CPNE3: variants seen among roughly 807,000 people sequenced by gnomAD.
The protein encoded by CPNE3 is copine 3.
CPNE3 carries 68 observed loss-of-function variants against 63.9 expected under a neutral mutation model. That is an observed-to-expected ratio of 1.06 (90% CI 0.87 to 1.30). The LOEUF is 1.30. CPNE3 is among the 50% of genes most tolerant of loss of function. The pLI, the probability that CPNE3 is intolerant of heterozygous loss-of-function variation, is 0.00. For synonymous variants in CPNE3, 219 were observed against 197.5 expected (o/e 1.11, Z -0.91); for missense variants, 665 against 578.1 (o/e 1.15, Z -1.54).
At chr8:86,529,314 A>G (rs959066761) in intron 4 of CPNE3, among the ~76,000 whole-genome samples, 190 bp downstream of exon 4, 10 of 152,196 alleles carry the variant, frequency 6.6e-5, no homozygotes, top group Non-Finnish European at 1.2e-4. Flanking sequence ...GGCAGGAACT[A>G]TGTATTTATG....
rs1222410847 is a variant in CPNE3 at position 86,558,399 on chromosome 8, C to A, written c.1603C>A (p.Gln535Lys). 2.3e-6 allele frequency: 2 copies of A among 872,942 alleles called. No homozygotes were observed. Among genetic ancestry groups the A allele is most frequent in the Admixed American group, 3.4e-5 (2 of 59,192 alleles). 54.1% of individuals were successfully genotyped at this position (872,942 alleles called of 1,614,324 possible). The change falls in exon 17 of 17, where the codon CAG (glutamine) becomes AAG (lysine). Residue 535 changes from glutamine (Q) to lysine (K), a missense_variant. Gln to Lys is a moderately conservative substitution (Grantham distance 53). Transcript: ENST00000517490. ...TCCCAAGAACCCAGCCACGAAACAA[C>A]AGAAGCAGTGACCACTTCAACAGAA... ...LPPKNPATKQ[Q>K]KQ
intron 4 of CPNE3, among the ~76,000 whole-genome samples, 187 bp downstream of exon 4, chr8:86,529,311 A>G (rs1820617252): frequency 6.6e-6 from 1 of 152,192 alleles, no homozygotes; most frequent in Admixed American, 6.5e-5. Flanking sequence ...ATGGGCAGGA[A>G]CTATGTATTT....
chr8:86,538,623 C>G lies in CPNE3; in HGVS notation c.543+977C>G, dbSNP rs531192999. ...TATATTCCCAATAGAGGACTCTTCT[C>G]CCTACCTTCCTTATACCTTGATGCC... On this transcript the variant is annotated intron_variant, in intron 7 of 16. Coordinates refer to ENST00000517490, the MANE Select transcript of CPNE3 (RefSeq NM_003909.5). 3.9e-5 allele frequency among the ~76,000 whole-genome samples: 6 copies of G among 152,258 alleles called. No individual in the cohort carries two copies. In the South Asian group the frequency reaches 1.0e-3, roughly 26 times the overall value.
chr8:86,529,258 A>T, intron 4 of CPNE3, 134 bp downstream of exon 4: 2 of 673,988 alleles, frequency 3.0e-6, no homozygotes, highest in East Asian at 5.3e-5. Flanking sequence ...TTATATATTA[A>T]TATGATTGGC....
chr8:86,526,150 C>G (rs1359533940), intron 2 of CPNE3, among the ~76,000 whole-genome samples: 1 of 151,954 alleles, frequency 6.6e-6, no homozygotes, highest in Non-Finnish European at 1.5e-5. Flanking sequence ...ATTGCTTGAA[C>G]CTGGGAGGCG....
chr8:86,532,496 G>T lies in CPNE3; in HGVS notation c.388-13G>T, dbSNP rs1354285352. 1 of 1,602,712 alleles carries T rather than the reference G, an allele frequency of 6.2e-7. No individual in the cohort carries two copies. Among genetic ancestry groups the T allele is most frequent in the Non-Finnish European group, 8.5e-7 (1 of 1,174,426 alleles). ...AAAACATATTTTCTTTCACTTACCT[G>T]ATCTACTCATAGATTTCAGCTGAAG... On this transcript the variant is annotated splice_polypyrimidine_tract_variant and intron_variant, in intron 5 of 16. Transcript: ENST00000517490.
At chr8:86,524,282 TG>T (rs893747343) in intron 2 of CPNE3, among the ~76,000 whole-genome samples, 2 of 152,182 alleles carry the variant, frequency 1.3e-5, no homozygotes, top group African/African-American at 2.4e-5. Context: ...AGCCAGGGCA[TG>T]GGAATGACCA....
intron 2 of CPNE3, among the ~76,000 whole-genome samples, chr8:86,518,826 G>A (rs1820370365): frequency 6.6e-6 from 1 of 152,110 alleles, no homozygotes. Flanking sequence ...AGGTTGGAGT[G>A]CAGTGGCATG....
chr8:86,558,585 A>G lies in CPNE3; in HGVS notation c.*175A>G. ...TAGGTTATTTTGGGGGGACAGTGCC[A>G]AGTCCATCTTTGCCCAGTCAATTCA... On this transcript the variant is annotated 3_prime_UTR_variant, in exon 17 of 17. Coordinates refer to ENST00000517490, the MANE Select transcript of CPNE3 (RefSeq NM_003909.5). The G allele has an allele frequency of 1.8e-6, 1 of 567,986 alleles. No homozygotes were observed. Among genetic ancestry groups the G allele is most frequent in the Non-Finnish European group, 3.1e-6 (1 of 318,274 alleles). 35.2% of individuals were successfully genotyped at this position (567,986 alleles called of 1,614,324 possible).
intron 8 of CPNE3, 39 bp from the exon 9 acceptor site, chr8:86,544,701 A>G (rs994652455): frequency 4.8e-6 from 5 of 1,031,150 alleles, no homozygotes; most frequent in Middle Eastern, 3.1e-4. Flanking sequence ...TAATAAAACT[A>G]TATTGATTTT....
At chr8:86,549,350 G>A (rs1821122640) in intron 12 of CPNE3, among the ~76,000 whole-genome samples, 2 of 152,082 alleles carry the variant, frequency 1.3e-5, no homozygotes, top group Non-Finnish European at 2.9e-5. Context: ...TAGAAAGGTG[G>A]TCAAATATAA....
intron 1 of CPNE3, 74 bp downstream of exon 1, chr8:86,514,615 G>C (rs1470815304): frequency 6.6e-6 from 1 of 152,274 alleles, no homozygotes. Flanking sequence ...GGGGGAAAAG[G>C]AAAGTCCTGG....
rs1820707212 is a variant in CPNE3, at chr8:86,532,595, C to A, written c.459+15C>A. On this transcript the variant is annotated intron_variant, in intron 6 of 16. Transcript: ENST00000517490. ...TGGATAATAAGGTGGGTAGACTATG[C>A]AGATTTCAAAAAGGTTGTCATGTTT... 2 of 1,598,294 alleles carry A rather than the reference C, an allele frequency of 1.3e-6. No individual in the cohort carries two copies. Among genetic ancestry groups the A allele is most frequent in the Admixed American group, 1.8e-5 (1 of 56,646 alleles).
intron 14 of CPNE3, among the ~76,000 whole-genome samples, chr8:86,551,919 G>A (rs984607158): frequency 6.6e-6 from 1 of 152,158 alleles, no homozygotes; most frequent in South Asian, 2.1e-4. Flanking sequence ...TTCTGCCTTG[G>A]CCTCCCAAAG....
intron 6 of CPNE3, among the ~76,000 whole-genome samples, chr8:86,534,634 G>A (rs577582353): frequency 1.1e-3 from 163 of 152,240 alleles, no homozygotes; most frequent in African/African-American, 3.7e-3. Flanking sequence ...CCAGCTTGGC[G>A]AGAGAGCAAG....
rs1821424563 is a variant in CPNE3, at chr8:86,560,813, T to C, written c.*2403T>C. The stretch of plus-strand genomic sequence containing the variant: ...TTTACATTAAAATAGTCCTTTTCCC[T>C]GTTGTGCCACCATTCATTTAAGTGC... On this transcript the variant is annotated 3_prime_UTR_variant, in exon 17 of 17. Coordinates refer to ENST00000517490, the MANE Select transcript of CPNE3 (RefSeq NM_003909.5). 6.6e-6 allele frequency: 1 copy of C among 152,222 alleles called. No homozygotes were observed. Among genetic ancestry groups the C allele is most frequent in the African/African-American group, 2.4e-5 (1 of 41,460 alleles). The allele number at this position is 152,222 out of a possible 1,614,324, so 9.4% of individuals were successfully genotyped here.
In CPNE3 at chr8:86,524,846, A is replaced by ATTTTTCTTTCTTTCTTTCTT; in HGVS notation, c.-10-3688_-10-3669dup. 2 of 44,864 alleles carry ATTTTTCTTTCTTTCTTTCTT rather than the reference A, an allele frequency of 4.5e-5. 1 individual carries two copies. Among genetic ancestry groups the ATTTTTCTTTCTTTCTTTCTT allele is most frequent in the Non-Finnish European group, 1.1e-4 (2 of 18,804 alleles). 2.8% of individuals were successfully genotyped at this position (44,864 alleles called of 1,614,324 possible). ...GCCACCTTGGCTGGCTAATTTTTTCATTTTTCTTTCTTTCTTTCTTTCTTT... is the reference window on the plus strand; with the variant it reads ...GCCACCTTGGCTGGCTAATTTTTTCATTTTTCTTTCTTTCTTTCTTTTTTTCTTTCTTTCTTTCTTTCTTT... On this transcript the variant is annotated intron_variant, in intron 2 of 16. Coordinates refer to ENST00000517490, the MANE Select transcript of CPNE3 (RefSeq NM_003909.5).
At chr8:86,547,608 TGTCC>T (rs1821081699) in intron 10 of CPNE3, 99 bp from the exon 11 acceptor site, 2 of 685,550 alleles carry the variant, frequency 2.9e-6, no homozygotes, top group East Asian at 5.5e-5. Context: ...GTTTATATCA[TGTCC>T]TGTTCAATTT....
chr8:86,555,226 G>C (rs932572622), intron 15 of CPNE3, among the ~76,000 whole-genome samples: 1 of 147,352 alleles, frequency 6.8e-6, no homozygotes. Flanking sequence ...TTCTTAGATA[G>C]GTTCTACCAA....
Sources: allele counts gnomAD v4.1 joint callset (sites outside exome capture counted in the v4.1 genomes callset), GRCh38; gene constraint gnomAD v4.1.1; transcripts MANE v1.5; gene names NCBI Gene and HGNC (gene_info 2026-07-23, HGNC 2026-07-21).